RPH3A: variants seen among roughly 807,000 people sequenced by gnomAD.
The protein encoded by RPH3A is rabphilin 3A.
RPH3A carries 48 observed loss-of-function variants against 102.2 expected under a neutral mutation model. The ratio of observed to expected loss-of-function variants is 0.47; its 90% CI spans 0.37 to 0.60. RPH3A has a LOEUF of 0.60. Among genes scored for constraint, RPH3A ranks in the 20% least tolerant of loss-of-function variants. The pLI, the probability that RPH3A is intolerant of heterozygous loss-of-function variation, is 0.00. For missense variants in RPH3A, 781 were observed against 910.1 expected, an observed-to-expected ratio of 0.86 and a Z score of 1.83; for synonymous variants, 310 against 324.3, an observed-to-expected ratio of 0.96 and a Z score of 0.47.
chr12:112,848,692 T>A (rs181599454), intron 5 of RPH3A, among the ~76,000 whole-genome samples: 5 of 152,004 alleles, frequency 3.3e-5, no homozygotes, highest in Admixed American at 2.0e-4. Context: ...AAAACATGTT[T>A]GGGAGAGAAG....
chr12:112,890,473 C>T (rs1372662495), intron 18 of RPH3A, among the ~76,000 whole-genome samples: 2 of 152,160 alleles, frequency 1.3e-5, no homozygotes, highest in Non-Finnish European at 1.5e-5. Flanking sequence ...AAGGACTGCC[C>T]TTTAAGAATA....
rs199745913 is a variant in RPH3A, at chr12:112,847,835, C to T, written c.223C>T (p.Arg75Ter). ...AEKMEEMEQE[R>*]IGRLVDRLEN... is the part of the protein sequence containing the mutation. ...GAAAATGGAAGAGATGGAGCAGGAG[C>T]GAATCGGGTGAGGCTTAACGCTTCC... Residue 75 changes from arginine (R) to a stop codon, truncating the protein, a stop_gained, in exon 5 of 22, where the codon CGA (arginine) becomes TGA (stop). Coordinates refer to ENST00000389385, the MANE Select transcript of RPH3A (RefSeq NM_001143854.2). LOFTEE classifies it high-confidence loss of function. 4 of 1,613,858 alleles carry T rather than the reference C, an allele frequency of 2.5e-6. No homozygotes were observed. Among genetic ancestry groups the T allele is most frequent in the Non-Finnish European group, 3.4e-6 (4 of 1,179,942 alleles).
chr12:112,751,044 C>A lies in RPH3A; in HGVS notation c.-139-41099C>A, dbSNP rs569914944. Among the ~76,000 whole-genome samples the A allele has an allele frequency of 1.6e-4, 24 of 152,334 alleles. No individual in the cohort carries two copies. The South Asian group carries it at 5.0e-3, about 32-fold the overall frequency. ...GAAAAAAACCTGAACGTTGGTCTCACCAGTGAGCTGCTGAATCAAGTCATC... is the reference window on the plus strand; with the variant it reads ...GAAAAAAACCTGAACGTTGGTCTCAACAGTGAGCTGCTGAATCAAGTCATC... On this transcript the variant is annotated intron_variant, in intron 1 of 21. Transcript: ENST00000543106.
At chr12:112,672,689 A>C (rs1408036229) in intron 1 of RPH3A, among the ~76,000 whole-genome samples, 1 of 152,158 alleles carries the variant, frequency 6.6e-6, no homozygotes, top group African/African-American at 2.4e-5. Context: ...TCCTTAGGGT[A>C]AGGTGAAAGT....
intron 4 of RPH3A, chr12:112,837,832 C>T (rs1216202621): frequency 1.8e-5 from 8 of 455,714 alleles, no homozygotes; most frequent in Non-Finnish European, 3.5e-5. Flanking sequence ...TCCTCTTCCC[C>T]TCTGTCCTTC....
At chr12:112,712,354 G>A (rs1175113344) in intron 1 of RPH3A, among the ~76,000 whole-genome samples, 1 of 152,150 alleles carries the variant, frequency 6.6e-6, no homozygotes, top group East Asian at 1.9e-4. Flanking sequence ...ATGAACATAG[G>A]AAACTGTCCC....
chr12:112,708,384 T>C (rs1254083907), intron 1 of RPH3A, among the ~76,000 whole-genome samples: 1 of 152,158 alleles, frequency 6.6e-6, no homozygotes, highest in Admixed American at 6.5e-5. Context: ...TTTGCAAGGC[T>C]GCTGGGAAGA....
rs552330750 is a variant in RPH3A, at chr12:112,685,361, C to T, written c.-139-106782C>T. On this transcript the variant is annotated intron_variant, in intron 1 of 21. Transcript: ENST00000543106. ...TCCAACATGTGAATTTGGGGAGACA[C>T]CTATATTCAACCATAGCAGTGGGAG... Among the ~76,000 whole-genome samples the T allele has an allele frequency of 5.9e-5, 9 of 152,268 alleles. 1 individual carries two copies. Among genetic ancestry groups the T allele is most frequent in the African/African-American group, 2.2e-4 (9 of 41,536 alleles).
chr12:112,754,363 T>TA (rs34778508), intron 1 of RPH3A, among the ~76,000 whole-genome samples: 85,907 of 151,924 alleles, frequency 0.57, 24,430 homozygotes, highest in East Asian at 0.78. Context: ...GCCAAGCAAA[T>TA]AAACAGAAGG....
At chr12:112,674,983 G>A (rs1052137816) in intron 1 of RPH3A, among the ~76,000 whole-genome samples, 4 of 152,130 alleles carry the variant, frequency 2.6e-5, no homozygotes, top group Admixed American at 6.5e-5. Flanking sequence ...TGACGATAAG[G>A]TCCCTGGGGC....
At chr12:112,776,308 A>C (rs530676087) in intron 1 of RPH3A, among the ~76,000 whole-genome samples, 67 of 151,120 alleles carry the variant, frequency 4.4e-4, no homozygotes, top group Non-Finnish European at 6.6e-4. Context: ...ACTACAAAAA[A>C]CCCCCCCATA....
chr12:112,635,188 A>G (rs1048751289), intron 1 of RPH3A, among the ~76,000 whole-genome samples: 2 of 152,222 alleles, frequency 1.3e-5, no homozygotes, highest in African/African-American at 4.8e-5. Flanking sequence ...GCCATAGACA[A>G]TATGTAACCA....
intron 1 of RPH3A, among the ~76,000 whole-genome samples, chr12:112,713,068 TTC>T (rs1592958251): frequency 1.5e-5 from 2 of 136,494 alleles, no homozygotes; most frequent in East Asian, 4.4e-4. Context: ...CTTCTTCTTC[TTC>T]TTCTTCTTCT....
At chr12:112,862,185 A>C (rs76175456) in intron 5 of RPH3A, among the ~76,000 whole-genome samples, 1,878 of 152,114 alleles carry the variant, frequency 0.012, 103 homozygotes, top group East Asian at 0.1. Flanking sequence ...TTAGCCAGGC[A>C]TGTAAGATCG....
At chr12:112,587,041 CTAAT>C (rs1450617557) in intron 1 of RPH3A, among the ~76,000 whole-genome samples, 1 of 152,210 alleles carries the variant, frequency 6.6e-6, no homozygotes, top group Non-Finnish European at 1.5e-5. Flanking sequence ...ATTTTCCCAT[CTAAT>C]TCATTTTATT....
intron 1 of RPH3A, among the ~76,000 whole-genome samples, chr12:112,719,164 C>T (rs1244283589): frequency 1.3e-5 from 2 of 152,196 alleles, no homozygotes; most frequent in African/African-American, 4.8e-5. Context: ...AAATTATCAT[C>T]TTCATATGCC....
chr12:112,769,049 A>G (rs978178231), intron 1 of RPH3A, among the ~76,000 whole-genome samples: 4 of 152,244 alleles, frequency 2.6e-5, no homozygotes, highest in South Asian at 4.1e-4. Context: ...CCATGACCAC[A>G]GGATTTCTGT....
chr12:112,861,838 C>A (rs2042518181), intron 5 of RPH3A, among the ~76,000 whole-genome samples: 1 of 151,920 alleles, frequency 6.6e-6, no homozygotes, highest in African/African-American at 2.4e-5. Flanking sequence ...ACAGTGAAAC[C>A]CCGTCTCTAC....
At chr12:112,854,322 G>C (rs780753921) in intron 5 of RPH3A, among the ~76,000 whole-genome samples, 146 of 152,324 alleles carry the variant, frequency 9.6e-4, no homozygotes, top group Non-Finnish European at 8.2e-4. Context: ...AATGGACTGC[G>C]ATTTTTCTTG....
Sources: allele counts gnomAD v4.1 joint callset (sites outside exome capture counted in the v4.1 genomes callset), GRCh38; gene constraint gnomAD v4.1.1; transcripts MANE v1.5; gene names NCBI Gene and HGNC (gene_info 2026-07-23, HGNC 2026-07-21).